The following ARL15 variants were observed in gnomAD, a reference collection of about 807,000 sequenced individuals.
The protein encoded by ARL15 is ARF like GTPase 15.
In ARL15, 19 loss-of-function variants were observed where a neutral mutation model predicts 25.2. The observed-to-expected ratio is 0.75, with a 90% confidence interval of 0.53 to 1.10. The LOEUF (loss-of-function observed/expected upper bound fraction) is 1.10, where lower values mean the gene tolerates loss of function less well. Ranked by LOEUF, ARL15 falls within the 50% of genes least tolerant of loss-of-function variation. The pLI is 0.00. For synonymous variants in ARL15, 94 were observed against 86.8 expected, an observed-to-expected ratio of 1.08 and a Z score of -0.46; for missense variants, 220 against 246.0, an observed-to-expected ratio of 0.89 and a Z score of 0.71.
At chr5:54,288,512 TC>T (rs1016819050) in intron 1 of ARL15, among the ~76,000 whole-genome samples, 1 of 152,210 alleles carries the variant, frequency 6.6e-6, no homozygotes, top group African/African-American at 2.4e-5. Context: ...TCCAACCAAT[TC>T]CAGTCCTAAT....
At chr5:53,973,891 C>A (rs543866268) in intron 4 of ARL15, among the ~76,000 whole-genome samples, 2 of 151,858 alleles carry the variant, frequency 1.3e-5, no homozygotes, top group African/African-American at 2.4e-5. Context: ...CTATTTTCAA[C>A]GATTTTTCCC....
intron 1 of ARL15, among the ~76,000 whole-genome samples, chr5:54,271,819 G>A (rs948364389): frequency 2.0e-5 from 3 of 152,104 alleles, no homozygotes; most frequent in African/African-American, 7.2e-5. Flanking sequence ...ATAAGTTTAT[G>A]TTCTACAAAG....
rs552564111 is a variant in ARL15, at chr5:53,913,387, C to T, written c.463-26674G>A. 3.3e-5 allele frequency among the ~76,000 whole-genome samples: 5 copies of T among 152,310 alleles called. No homozygotes were observed. The South Asian group carries it at 1.0e-3, about 32-fold the overall frequency. ...ACTGAGTTTAGTCACTCCTTGAACT[C>T]ACCTTGCCCTTTCCAAATATGAACT... On this transcript the variant is annotated intron_variant, in intron 4 of 4. Coordinates refer to ENST00000504924, the MANE Select transcript of ARL15 (RefSeq NM_019087.3).
At chr5:53,999,284 G>T (rs1419181730) in intron 4 of ARL15, among the ~76,000 whole-genome samples, 1 of 152,170 alleles carries the variant, frequency 6.6e-6, no homozygotes, top group Non-Finnish European at 1.5e-5. Flanking sequence ...CAAACAAAAA[G>T]AAATGTTCAA....
In ARL15 at chr5:53,886,669, G is replaced by A; in HGVS notation, c.507C>T (p.Arg169=). 1.9e-6 allele frequency: 3 copies of A among 1,575,936 alleles called. No individual in the cohort carries two copies. In the African/African-American group the frequency reaches 4.0e-5, roughly 21 times the overall value. ...CCAGTGAGCAGGGCTGTAGAATCCA[G>A]CGTTTTCCACGTGCAAGTGGTTCAA... is the stretch of plus-strand genomic sequence containing the variant. The part of the protein sequence containing the change: ...FELEPLARGK[R]WILQPCSLDD... Residue 169 remains arginine, a synonymous_variant, in exon 5 of 5, where the codon CGC becomes CGT. Coordinates refer to ENST00000504924, the MANE Select transcript of ARL15 (RefSeq NM_019087.3).
rs535679635 is a variant in ARL15, at chr5:53,916,690, A to T, written c.463-29977T>A. Among the ~76,000 whole-genome samples, 11 of 152,296 alleles carry T rather than the reference A, an allele frequency of 7.2e-5. No individual in the cohort carries two copies. In the East Asian group the frequency reaches 2.1e-3, roughly 29 times the overall value. On this transcript the variant is annotated intron_variant, in intron 4 of 4. Coordinates refer to ENST00000504924, the MANE Select transcript of ARL15 (RefSeq NM_019087.3). ...TATTCTGATAGAAAGATAAGGGTACAGGGAATCTTGTATGAAACAAGAAAA... is the reference window on the plus strand; with the variant it reads ...TATTCTGATAGAAAGATAAGGGTACTGGGAATCTTGTATGAAACAAGAAAA...
At chr5:54,073,424 T>G (rs1751483907) in intron 4 of ARL15, among the ~76,000 whole-genome samples, 1 of 152,194 alleles carries the variant, frequency 6.6e-6, no homozygotes, top group Non-Finnish European at 1.5e-5. Context: ...ACCACATATA[T>G]AAGAGGACTC....
At position 54,051,230 on chromosome 5, in the gene ARL15, A is replaced by G. The variant is rs77168322; in HGVS notation, c.462+61972T>C. On this transcript the variant is annotated intron_variant, in intron 4 of 4. Transcript: ENST00000504924. ...TTGTTTTAATGATTTTCTCACAAAG[A>G]AACAGATAGGGTAGGTATTAGTCTC... Among the ~76,000 whole-genome samples the G allele has an allele frequency of 3.2e-4, 48 of 152,330 alleles. No homozygotes were observed. In the East Asian group the frequency reaches 9.1e-3, roughly 29 times the overall value.
chr5:54,298,571 C>A (rs913847635), intron 1 of ARL15, among the ~76,000 whole-genome samples: 2 of 152,108 alleles, frequency 1.3e-5, no homozygotes, highest in African/African-American at 4.8e-5. Flanking sequence ...AGTTCCAGCC[C>A]TTTCTCTTCT....
intron 1 of ARL15, among the ~76,000 whole-genome samples, chr5:54,243,139 A>C (rs1407607392): frequency 6.6e-6 from 1 of 152,242 alleles, no homozygotes; most frequent in African/African-American, 2.4e-5. Context: ...CAGATTCAAA[A>C]AGATTTTAAA....
intron 2 of ARL15, among the ~76,000 whole-genome samples, chr5:54,156,357 T>G (rs1180016617): frequency 6.6e-6 from 1 of 152,244 alleles, no homozygotes; most frequent in East Asian, 1.9e-4. Context: ...AAAACAGGGA[T>G]GATAATATCT....
chr5:54,081,191 T>G (rs994019357), intron 4 of ARL15, among the ~76,000 whole-genome samples: 1 of 152,200 alleles, frequency 6.6e-6, no homozygotes, highest in African/African-American at 2.4e-5. Flanking sequence ...TTCATGAAAG[T>G]ATGCGTTATA....
chr5:54,061,407 C>T (rs181285208), intron 4 of ARL15, among the ~76,000 whole-genome samples: 1 of 152,098 alleles, frequency 6.6e-6, no homozygotes, highest in Non-Finnish European at 1.5e-5. Flanking sequence ...GTCAGGAGTT[C>T]GAGACCAGCC....
chr5:54,115,741 A>AG (rs1311360359), intron 3 of ARL15, among the ~76,000 whole-genome samples: 3 of 152,208 alleles, frequency 2.0e-5, no homozygotes, highest in African/African-American at 7.2e-5. Context: ...GGATATGAGC[A>AG]GGGTTGATGC....
At chr5:54,035,581 G>A (rs1287896433) in intron 4 of ARL15, among the ~76,000 whole-genome samples, 2 of 152,030 alleles carry the variant, frequency 1.3e-5, no homozygotes, top group Non-Finnish European at 2.9e-5. Flanking sequence ...AATGAAATTT[G>A]CACAAATTTT....
At chr5:54,106,961 G>C (rs754510304) in intron 4 of ARL15, among the ~76,000 whole-genome samples, 8 of 152,272 alleles carry the variant, frequency 5.3e-5, no homozygotes, top group Non-Finnish European at 1.0e-4. Flanking sequence ...ACATCATCTT[G>C]AGGGGGTTGT....
chr5:54,134,818 G>A (rs1490863030), intron 3 of ARL15, among the ~76,000 whole-genome samples: 1 of 151,758 alleles, frequency 6.6e-6, no homozygotes, highest in Non-Finnish European at 1.5e-5. Flanking sequence ...CTCTTGACAT[G>A]GTGATCTGCC....
intron 4 of ARL15, among the ~76,000 whole-genome samples, chr5:53,955,419 T>C (rs1747113525): frequency 6.6e-6 from 1 of 152,076 alleles, no homozygotes; most frequent in African/African-American, 2.4e-5. Flanking sequence ...GCTCCAAAAC[T>C]GGAATAGATT....
At chr5:54,008,949 T>G (rs888555306) in intron 4 of ARL15, among the ~76,000 whole-genome samples, 5 of 152,214 alleles carry the variant, frequency 3.3e-5, no homozygotes, top group Non-Finnish European at 5.9e-5. Context: ...TAATGTAAGA[T>G]TACAGAACTA....
Sources: gnomAD v4.1 joint callset for allele counts (sites outside exome capture counted in the v4.1 genomes callset) on GRCh38, gnomAD v4.1.1 for gene constraint, MANE v1.5 for transcripts, NCBI Gene and HGNC (gene_info 2026-07-23, HGNC 2026-07-21) for gene names.